TRIQK: variants seen among roughly 807,000 people sequenced by gnomAD.
TRIQK encodes triple QxxK/R motif containing, also known as triple QxxK/R motif-containing protein.
A neutral mutation model predicts 10.8 loss-of-function variants in TRIQK; 10 were observed. The ratio of observed to expected loss-of-function variants is 0.92; its 90% confidence interval spans 0.57 to 1.57. The LOEUF is 1.57. TRIQK is among the 40% of genes most tolerant of loss of function. TRIQK has a pLI of 0.00. For missense variants in TRIQK, 107 were observed against 97.7 expected (o/e 1.09, Z -0.40); for synonymous variants, 33 against 33.7 (o/e 0.98, Z 0.07).
chr8:92,955,778 T>C (rs1812140385), intron 1 of TRIQK, among the ~76,000 whole-genome samples: 1 of 151,742 alleles, frequency 6.6e-6, no homozygotes, highest in Non-Finnish European at 1.5e-5. Context: ...TGAACAATTT[T>C]CCAGAGAAGA....
intron 3 of TRIQK, among the ~76,000 whole-genome samples, chr8:92,897,506 T>C (rs1808673891): frequency 6.6e-6 from 1 of 152,188 alleles, no homozygotes; most frequent in African/African-American, 2.4e-5. Context: ...AGTGGGCTCA[T>C]GATAAAAGAA....
intron 1 of TRIQK, among the ~76,000 whole-genome samples, chr8:92,962,408 A>G (rs911342882): frequency 5.3e-5 from 8 of 152,086 alleles, no homozygotes; most frequent in African/African-American, 1.9e-4. Context: ...TGGAGCAGGG[A>G]CTCTCAAAAG....
At chr8:92,920,091 A>AC (rs1554601281) in intron 2 of TRIQK, among the ~76,000 whole-genome samples, 2 of 150,938 alleles carry the variant, frequency 1.3e-5, no homozygotes, top group African/African-American at 4.9e-5. Context: ...TGTTTTGTTG[A>AC]TTTTTTTTGT....
chr8:92,963,893 C>CA (rs750395280), intron 1 of TRIQK: 10,478 of 99,196 alleles, frequency 0.11, 749 homozygotes, highest in African/African-American at 0.25. Context: ...AACTCCGTCT[C>CA]AAAAAAAAAA....
At chr8:92,919,571 T>A (rs1250933061) in intron 2 of TRIQK, among the ~76,000 whole-genome samples, 1 of 151,868 alleles carries the variant, frequency 6.6e-6, no homozygotes, top group Non-Finnish European at 1.5e-5. Flanking sequence ...ACATCTATGT[T>A]CATCAGCGAT....
chr8:92,946,038 G>A lies in TRIQK; in HGVS notation c.-22+8368C>T, dbSNP rs567471576. Among the ~76,000 whole-genome samples, 4 of 151,974 alleles carry A rather than the reference G, an allele frequency of 2.6e-5. No homozygotes were observed. The East Asian group carries it at 7.7e-4, about 29-fold the overall frequency. On this transcript the variant is annotated intron_variant, in intron 2 of 4. Transcript: ENST00000521988. The stretch of plus-strand genomic sequence containing the variant: ...AGTGGTCTATTTAATAATAACAAAG[G>A]CTAAGCCTTAATGAAAGTCTACTAC...
At chr8:92,949,192 G>C (rs1371868164) in intron 2 of TRIQK, among the ~76,000 whole-genome samples, 1 of 152,100 alleles carries the variant, frequency 6.6e-6, no homozygotes. Flanking sequence ...AATTAAACTT[G>C]TTAAATTTAA....
intron 1 of TRIQK, among the ~76,000 whole-genome samples, chr8:93,005,288 T>A (rs1438611439): frequency 6.6e-6 from 1 of 152,042 alleles, no homozygotes; most frequent in Non-Finnish European, 1.5e-5. Flanking sequence ...GAGAAAGAGA[T>A]AGTGAAGAGA....
chr8:93,009,335 T>G (rs1586530845), intron 1 of TRIQK, among the ~76,000 whole-genome samples: 1 of 152,088 alleles, frequency 6.6e-6, no homozygotes, highest in Non-Finnish European at 1.5e-5. Context: ...AGAGGCCGGG[T>G]GCAGTGGCTC....
At chr8:92,988,509 TC>T (rs1403509349) in intron 1 of TRIQK, among the ~76,000 whole-genome samples, 1 of 152,206 alleles carries the variant, frequency 6.6e-6, no homozygotes, top group Non-Finnish European at 1.5e-5. Flanking sequence ...TTTTCTACTC[TC>T]GTGCTAGAAA....
rs1011880676 is a variant in TRIQK, at chr8:92,959,027, T to A, written c.-180-4463A>T. Among the ~76,000 whole-genome samples, 4 of 152,120 alleles carry A rather than the reference T, an allele frequency of 2.6e-5. No individual in the cohort carries two copies. The East Asian group carries it at 7.7e-4, about 29-fold the overall frequency. On this transcript the variant is annotated intron_variant, in intron 1 of 4. Coordinates refer to ENST00000521988, the MANE Select transcript of TRIQK (RefSeq NM_001171797.2). ...TAAACAATTAAATTTGAATTTTACA[T>A]AATTTCCACATCACATATAAACAAA...
At chr8:92,979,639 T>C (rs1812966395) in intron 1 of TRIQK, among the ~76,000 whole-genome samples, 1 of 152,094 alleles carries the variant, frequency 6.6e-6, no homozygotes, top group African/African-American at 2.4e-5. Flanking sequence ...AAGTTTCACA[T>C]TTTTCTACAT....
intron 1 of TRIQK, among the ~76,000 whole-genome samples, chr8:92,993,139 C>A (rs1813114683): frequency 1.3e-5 from 2 of 152,078 alleles, no homozygotes; most frequent in African/African-American, 4.8e-5. Context: ...TGGTAAGGCT[C>A]CAGGATCATG....
intron 1 of TRIQK, among the ~76,000 whole-genome samples, chr8:92,980,985 T>A (rs1308905370): frequency 6.6e-6 from 1 of 151,638 alleles, no homozygotes; most frequent in Admixed American, 6.6e-5. Context: ...TATTTTATAA[T>A]AATGCCTCTA....
intron 1 of TRIQK, among the ~76,000 whole-genome samples, chr8:93,006,197 G>A (rs1168683742): frequency 6.6e-6 from 1 of 151,944 alleles, no homozygotes; most frequent in African/African-American, 2.4e-5. Context: ...AACAGCTGTG[G>A]TCAGAGGCTC....
At position 93,012,887 on chromosome 8, in the gene TRIQK, G is replaced by A. The variant is rs370739630; in HGVS notation, c.-181+4722C>T. Among the ~76,000 whole-genome samples the A allele has an allele frequency of 6.6e-5, 10 of 152,298 alleles. 1 individual carries two copies. Among genetic ancestry groups the A allele is most frequent in the Admixed American group, 2.6e-4 (4 of 15,298 alleles). ...TGCACATTTTTAGACCTTAGCTCTA[G>A]ATGTATTGAATCAGAAACAACAAGG... On this transcript the variant is annotated intron_variant, in intron 1 of 4. Coordinates refer to the TRIQK transcript ENST00000520686.
intron 3 of TRIQK, among the ~76,000 whole-genome samples, chr8:92,893,401 T>C (rs207469566): frequency 3.9e-5 from 6 of 152,060 alleles, no homozygotes; most frequent in Non-Finnish European, 7.4e-5. Context: ...TTAACTGCTA[T>C]TGTATAGCAA....
intron 4 of TRIQK, among the ~76,000 whole-genome samples, chr8:92,887,172 T>A (rs551663832): frequency 6.6e-5 from 10 of 151,588 alleles, no homozygotes; most frequent in African/African-American, 1.2e-4. Flanking sequence ...GTTTTTTTTT[T>A]AATTATCATT....
intron 2 of TRIQK, among the ~76,000 whole-genome samples, chr8:92,921,160 G>T (rs1168717832): frequency 6.6e-6 from 1 of 151,618 alleles, no homozygotes; most frequent in Non-Finnish European, 1.5e-5. Flanking sequence ...TAGGGGTTTT[G>T]TGATGCTGGG....
Sources: gnomAD v4.1 joint callset for allele counts (sites outside exome capture counted in the v4.1 genomes callset) on GRCh38, gnomAD v4.1.1 for gene constraint, MANE v1.5 for transcripts, NCBI Gene and HGNC (gene_info 2026-07-23, HGNC 2026-07-21) for gene names.